Variants in LHFPL3 observed in about 807,000 individuals in gnomAD.
LHFPL3 encodes the protein LHFPL tetraspan subfamily member 3, also known as LHFPL tetraspan subfamily member 3 protein.
LHFPL3 carries 5 observed loss-of-function variants against 19.3 expected under a neutral mutation model. The observed-to-expected ratio is 0.26, with a 90% CI of 0.14 to 0.54. The LOEUF (loss-of-function observed/expected upper bound fraction) is 0.54. Among genes scored for constraint, LHFPL3 ranks in the 20% least tolerant of loss-of-function variants. LHFPL3 has a pLI of 0.94. For missense variants in LHFPL3, 249 were observed against 307.4 expected (o/e 0.81, Z 1.42); for synonymous variants, 133 against 126.2 (o/e 1.05, Z -0.36).
At chr7:104,592,983 A>G (rs78972147) in intron 1 of LHFPL3, among the ~76,000 whole-genome samples, 1 of 152,036 alleles carries the variant, frequency 6.6e-6, no homozygotes. Context: ...ATTGAATGAA[A>G]CCAGCTCCTG....
chr7:104,697,388 A>G (rs1341270621), intron 1 of LHFPL3, among the ~76,000 whole-genome samples: 1 of 152,242 alleles, frequency 6.6e-6, no homozygotes, highest in African/African-American at 2.4e-5. Context: ...TGGCAAGAAT[A>G]TAAGGAGTAT....
chr7:104,519,460 C>G (rs1391139245), intron 1 of LHFPL3, among the ~76,000 whole-genome samples: 1 of 152,122 alleles, frequency 6.6e-6, no homozygotes, highest in Non-Finnish European at 1.5e-5. Context: ...ACATTCCTGA[C>G]AGTGCCAGCT....
chr7:104,505,904 T>C (rs41039), intron 1 of LHFPL3, among the ~76,000 whole-genome samples: 21,171 of 152,160 alleles, frequency 0.14, 1,608 homozygotes, highest in East Asian at 0.21. Context: ...GGACGTCTTG[T>C]ATATATCTTT....
rs1018005691 is a variant in LHFPL3 at position 104,438,827 on chromosome 7, A to C, written c.445+109603A>C. Among the ~76,000 whole-genome samples the C allele has an allele frequency of 3.3e-5, 5 of 151,010 alleles. No individual in the cohort carries two copies. In the East Asian group the frequency reaches 5.8e-4, roughly 18 times the overall value. On this transcript the variant is annotated intron_variant, in intron 1 of 2. Coordinates refer to ENST00000424859, the MANE Select transcript of LHFPL3 (RefSeq NM_199000.3). Reference sequence around the variant, plus strand: ...CCAAAAGTTGATTTTTTAAAAAAACAACAAAATTGTTAAATCTCTATCAAA... The same window carrying C: ...CCAAAAGTTGATTTTTTAAAAAAACCACAAAATTGTTAAATCTCTATCAAA...
chr7:104,363,564 A>C (rs1047741843), intron 1 of LHFPL3, among the ~76,000 whole-genome samples: 1 of 152,234 alleles, frequency 6.6e-6, no homozygotes, highest in African/African-American at 2.4e-5. Flanking sequence ...ACTGTCTGGC[A>C]GTGCTGGCTC....
At chr7:104,605,750 T>G (rs1489826266) in intron 1 of LHFPL3, among the ~76,000 whole-genome samples, 1 of 152,166 alleles carries the variant, frequency 6.6e-6, no homozygotes, top group Non-Finnish European at 1.5e-5. Flanking sequence ...ACATTCGTGT[T>G]GTATAAAGTA....
At chr7:104,531,047 C>G (rs1794285673) in intron 1 of LHFPL3, among the ~76,000 whole-genome samples, 1 of 152,152 alleles carries the variant, frequency 6.6e-6, no homozygotes, top group Non-Finnish European at 1.5e-5. Flanking sequence ...AAAGTTGGAA[C>G]AGGGCCTGGA....
At chr7:104,450,828 A>G (rs1014250538) in intron 1 of LHFPL3, among the ~76,000 whole-genome samples, 1 of 152,212 alleles carries the variant, frequency 6.6e-6, no homozygotes, top group African/African-American at 2.4e-5. Context: ...AAAGGAAAAC[A>G]TGGCAGCTTG....
chr7:104,569,478 G>A (rs943431155), intron 1 of LHFPL3, among the ~76,000 whole-genome samples: 4 of 152,112 alleles, frequency 2.6e-5, no homozygotes, highest in African/African-American at 9.7e-5. Flanking sequence ...TCTTATTTGG[G>A]GGGAGGGGTA....
chr7:104,487,518 A>G (rs1428099591), intron 1 of LHFPL3, among the ~76,000 whole-genome samples: 1 of 152,184 alleles, frequency 6.6e-6, no homozygotes, highest in Non-Finnish European at 1.5e-5. Context: ...AGTTAACCTA[A>G]CGTGCACATC....
At chr7:104,822,788 G>A (rs1225804524) in intron 2 of LHFPL3, among the ~76,000 whole-genome samples, 27 of 152,118 alleles carry the variant, frequency 1.8e-4, no homozygotes. Flanking sequence ...AACACAGGGA[G>A]AAAGGACATG....
intron 1 of LHFPL3, among the ~76,000 whole-genome samples, chr7:104,564,223 G>T (rs187659259): frequency 6.6e-6 from 1 of 152,256 alleles, no homozygotes; most frequent in Admixed American, 6.5e-5. Flanking sequence ...CCATGTTATG[G>T]GTTCTATTAC....
rs1437038214 is a variant in LHFPL3 at position 104,430,508 on chromosome 7, G to A, written c.445+101284G>A. On this transcript the variant is annotated intron_variant, in intron 1 of 2. Transcript: ENST00000424859. ...TTTTGAGGCGGAGTCTTGCTCTGTC[G>A]CCCAGGCTGGAGTGCAGTGGTGCAA... Among the ~76,000 whole-genome samples, 6 of 109,066 alleles carry A rather than the reference G, an allele frequency of 5.5e-5. 1 individual carries two copies. Among genetic ancestry groups the A allele is most frequent in the East Asian group, 3.3e-4 (1 of 3,030 alleles). The allele number at this position is 109,066 out of a possible 152,430, so 71.6% of individuals were successfully genotyped here.
At chr7:104,335,756 T>C (rs1001002113) in intron 1 of LHFPL3, among the ~76,000 whole-genome samples, 2 of 152,060 alleles carry the variant, frequency 1.3e-5, no homozygotes, top group Non-Finnish European at 2.9e-5. Context: ...TAATTTTTGT[T>C]TGGCATGTTG....
intron 1 of LHFPL3, among the ~76,000 whole-genome samples, 168 bp from the exon 2 acceptor site, chr7:104,736,507 C>CCACA (rs57904267): frequency 0.032 from 4,836 of 150,720 alleles, 245 homozygotes; most frequent in African/African-American, 0.11. Context: ...GTTTGCATGC[C>CCACA]CACACACACA....
chr7:104,511,663 G>A (rs1414132402), intron 1 of LHFPL3, among the ~76,000 whole-genome samples: 1 of 152,168 alleles, frequency 6.6e-6, no homozygotes, highest in Non-Finnish European at 1.5e-5. Context: ...GTTGATACAT[G>A]CAGTGACCTG....
chr7:104,348,629 A>G (rs1790116957), intron 1 of LHFPL3, among the ~76,000 whole-genome samples: 1 of 152,260 alleles, frequency 6.6e-6, no homozygotes, highest in Non-Finnish European at 1.5e-5. Context: ...AGCCAAGTAA[A>G]CACTAACACA....
intron 1 of LHFPL3, among the ~76,000 whole-genome samples, chr7:104,626,768 A>C (rs192669666): frequency 6.6e-6 from 1 of 152,302 alleles, no homozygotes; most frequent in Non-Finnish European, 1.5e-5. Flanking sequence ...TATTTGTGGA[A>C]GTTTTCTTCT....
chr7:104,770,603 C>G (rs1245285077), intron 2 of LHFPL3, among the ~76,000 whole-genome samples: 3 of 152,202 alleles, frequency 2.0e-5, no homozygotes, highest in Non-Finnish European at 4.4e-5. Flanking sequence ...CACAGAACCT[C>G]TCTGGGAATG....
Sources: gnomAD v4.1 joint callset for allele counts (sites outside exome capture counted in the v4.1 genomes callset) on GRCh38, gnomAD v4.1.1 for gene constraint, MANE v1.5 for transcripts, NCBI Gene and HGNC (gene_info 2026-07-23, HGNC 2026-07-21) for gene names.